Variants in CDH13 observed in about 807,000 individuals in gnomAD.
CDH13 encodes the protein cadherin 13, also known as cadherin-13.
In CDH13, 24 loss-of-function variants were observed where a neutral mutation model predicts 63.8. That is an observed-to-expected ratio of 0.38 (90% CI 0.27 to 0.53). The LOEUF (loss-of-function observed/expected upper bound fraction) is 0.53. CDH13 is among the 20% of genes least tolerant of loss of function. CDH13 has a pLI of 0.85. For missense variants in CDH13, 1,049 were observed against 903.1 expected (o/e 1.16, Z -2.07); for synonymous variants, 503 against 355.3 (o/e 1.42, Z -4.67).
intron 11 of CDH13, among the ~76,000 whole-genome samples, chr16:83,766,515 C>T (rs1187394917): frequency 1.3e-5 from 2 of 152,232 alleles, no homozygotes; most frequent in Admixed American, 6.5e-5. Context: ...GACAACCTCA[C>T]TTTGCACACT....
At chr16:82,941,204 A>G (rs1453998120) in intron 2 of CDH13, among the ~76,000 whole-genome samples, 2 of 152,200 alleles carry the variant, frequency 1.3e-5, no homozygotes, top group Non-Finnish European at 2.9e-5. Flanking sequence ...TAACCATTGA[A>G]TATTTTGGGG....
At chr16:83,547,324 T>C (rs958970548) in intron 7 of CDH13, among the ~76,000 whole-genome samples, 5 of 152,226 alleles carry the variant, frequency 3.3e-5, no homozygotes, top group Non-Finnish European at 5.9e-5. Flanking sequence ...GCTTTCATTT[T>C]AGTTTCAGAG....
intron 6 of CDH13, among the ~76,000 whole-genome samples, chr16:83,415,022 A>G (rs1261397386): frequency 6.6e-6 from 1 of 152,132 alleles, no homozygotes; most frequent in Admixed American, 6.6e-5. Flanking sequence ...ACCCTTAGCT[A>G]GACTAAGGGG....
intron 3 of CDH13, among the ~76,000 whole-genome samples, chr16:83,074,416 G>A (rs971931792): frequency 2.6e-5 from 4 of 152,114 alleles, no homozygotes; most frequent in Admixed American, 6.5e-5. Flanking sequence ...CACAAGGTCC[G>A]TTCCATATCT....
At chr16:83,647,171 G>A (rs564237714) in intron 8 of CDH13, among the ~76,000 whole-genome samples, 11 of 152,040 alleles carry the variant, frequency 7.2e-5, no homozygotes, top group Admixed American at 4.6e-4. Flanking sequence ...TTAGCCAGGC[G>A]TGGTGGCAGG....
intron 1 of CDH13, among the ~76,000 whole-genome samples, chr16:82,662,699 A>T (rs1029429057): frequency 6.6e-6 from 1 of 152,232 alleles, no homozygotes; most frequent in African/African-American, 2.4e-5. Flanking sequence ...TTGAGTCGAT[A>T]ACAGCTTCTG....
chr16:82,783,986 C>T (rs12386026), intron 1 of CDH13, among the ~76,000 whole-genome samples: 1,668 of 152,242 alleles, frequency 0.011, 36 homozygotes, highest in African/African-American at 0.038. Flanking sequence ...CTTCTACCTC[C>T]GCAGGCTCTA....
intron 7 of CDH13, among the ~76,000 whole-genome samples, chr16:83,542,206 G>A (rs1310389703): frequency 6.6e-6 from 1 of 152,142 alleles, no homozygotes; most frequent in South Asian, 2.1e-4. Flanking sequence ...CATCACTCTA[G>A]ACCAGCAGTT....
intron 10 of CDH13, among the ~76,000 whole-genome samples, chr16:83,716,693 G>T (rs759956868): frequency 7.2e-5 from 11 of 151,916 alleles, no homozygotes; most frequent in Admixed American, 7.2e-4. Context: ...TATGTTGGCC[G>T]GGCTGGTCTC....
At chr16:83,184,067 A>G (rs1023317885) in intron 4 of CDH13, among the ~76,000 whole-genome samples, 1 of 146,952 alleles carries the variant, frequency 6.8e-6, no homozygotes, top group Non-Finnish European at 1.5e-5. Context: ...TTGGTCAGCC[A>G]TCTCATAGCC....
chr16:82,744,663 T>C (rs905147554), intron 1 of CDH13, among the ~76,000 whole-genome samples: 2 of 152,224 alleles, frequency 1.3e-5, no homozygotes, highest in East Asian at 3.9e-4. Context: ...TGGATAAAAA[T>C]CACAGCTAAG....
chr16:83,512,437 G>A (rs1361853304), intron 7 of CDH13, among the ~76,000 whole-genome samples: 9 of 150,954 alleles, frequency 6.0e-5, no homozygotes, highest in African/African-American at 1.2e-4. Flanking sequence ...TTGGGAGGCC[G>A]AGGTGGGTGG....
chr16:83,313,302 A>T (rs1277888319), intron 5 of CDH13, among the ~76,000 whole-genome samples: 1 of 152,194 alleles, frequency 6.6e-6, no homozygotes, highest in Non-Finnish European at 1.5e-5. Context: ...CCTTGAGAGC[A>T]GTTATCTTTG....
At chr16:83,163,771 G>A (rs1054115975) in intron 4 of CDH13, among the ~76,000 whole-genome samples, 1 of 152,038 alleles carries the variant, frequency 6.6e-6, no homozygotes, top group Non-Finnish European at 1.5e-5. Context: ...CCACCATTCT[G>A]AATTCACAGC....
At chr16:82,743,537 G>A (rs988865089) in intron 1 of CDH13, among the ~76,000 whole-genome samples, 11 of 152,120 alleles carry the variant, frequency 7.2e-5, no homozygotes, top group African/African-American at 2.7e-4. Flanking sequence ...ATATTTTGAA[G>A]GCATAATTTG....
At chr16:83,545,210 T>A (rs2075364579) in intron 7 of CDH13, among the ~76,000 whole-genome samples, 1 of 152,178 alleles carries the variant, frequency 6.6e-6, no homozygotes. Flanking sequence ...GGTGGGAAGG[T>A]GTGGAAACCC....
intron 7 of CDH13, among the ~76,000 whole-genome samples, chr16:83,599,557 A>G (rs1907586717): frequency 1.3e-5 from 2 of 152,226 alleles, no homozygotes; most frequent in Non-Finnish European, 1.5e-5. Context: ...GCCTTCATGA[A>G]TAAAGATGTT....
At chr16:83,450,483 G>A (rs1280739909) in intron 6 of CDH13, among the ~76,000 whole-genome samples, 2 of 152,118 alleles carry the variant, frequency 1.3e-5, no homozygotes, top group Non-Finnish European at 2.9e-5. Flanking sequence ...TCATTACCAG[G>A]ATTTTGTATG....
Position 82,842,091 on chromosome 16 carries a change from CATATATATATATATATATATGTAT to C in CDH13, c.46-16250_46-16227del, listed in dbSNP as rs1332971246. On this transcript the variant is annotated intron_variant, in intron 1 of 13. Coordinates refer to ENST00000567109, the MANE Select transcript of CDH13 (RefSeq NM_001257.5). ...AAATCTGAGCCAGTCTTGCATTCTA[CATATATATATATATATATATGTAT>C]ATATATATATATATATATATATACA... Among the ~76,000 whole-genome samples the C allele has an allele frequency of 7.0e-4, 29 of 41,660 alleles. 1 individual carries two copies. Among genetic ancestry groups the C allele is most frequent in the East Asian group, 1.2e-3 (2 of 1,674 alleles). The allele number at this position is 41,660 out of a possible 152,430, so 27.3% of individuals were successfully genotyped here.
Sources: allele counts gnomAD v4.1 joint callset (sites outside exome capture counted in the v4.1 genomes callset), GRCh38; gene constraint gnomAD v4.1.1; transcripts MANE v1.5; gene names NCBI Gene and HGNC (gene_info 2026-07-23, HGNC 2026-07-21).